CLUH: variants seen among roughly 807,000 people sequenced by gnomAD.
CLUH encodes the protein CLUH binding protein of NUMT mRNA, also known as clustered mitochondria protein homolog.
Under a neutral mutation model 139.3 loss-of-function variants are expected in CLUH, and 77 were observed. The ratio of observed to expected loss-of-function variants is 0.55; its 90% confidence interval spans 0.46 to 0.67. The LOEUF (loss-of-function observed/expected upper bound fraction) is 0.67. CLUH is among the 30% of genes least tolerant of loss of function. The probability of loss-of-function intolerance (pLI) is 0.00; values close to 1 mark genes in which losing one functional copy is unlikely to be tolerated. For synonymous variants in CLUH, 999 were observed against 801.6 expected (o/e 1.25, Z -4.16); for missense variants, 1,876 against 1,875.8 (o/e 1.00, Z 0.00).
Position 2,700,442 on chromosome 17 carries a change from C to T in CLUH, c.1206G>A (p.Thr402=), listed in dbSNP as rs1031805955. The change falls in exon 9 of 26, where the codon ACG becomes ACA. Residue 402 remains threonine (T), a synonymous_variant. Coordinates refer to ENST00000651024, the MANE Select transcript of CLUH (RefSeq NM_001366661.1). ...GCAGGTTCTTGCGAGGCAGCTCCCT[C>T]GTCGTCTGCAGCTCCTCATTCCAGT... is the stretch of plus-strand genomic sequence containing the variant. ...TRDWNEELQT[T]RELPRKNLPE... is the part of the protein sequence containing the mutation. 6.2e-6 allele frequency: 10 copies of T among 1,613,006 alleles called. No homozygotes were observed. The highest frequency in any genetic ancestry group is 4.5e-5 in the East Asian group (2 of 44,882).
chr17:2,698,066 C>T lies in CLUH; in HGVS notation c.1791G>A (p.Gly597=), dbSNP rs2070032155. 1 of 1,606,446 alleles carries T rather than the reference C, an allele frequency of 6.2e-7. No homozygotes were observed. Among genetic ancestry groups the T allele is most frequent in the Non-Finnish European group, 8.5e-7 (1 of 1,178,784 alleles). The part of the protein sequence containing the change: ...VECKGIIGND[G]RHYILDLLRT... Reference sequence around the variant, plus strand: ...GCAGCAGGTCGAGGATGTAGTGGCGCCCGTCGTTGCCAATGATGCCCTTGC... The same window carrying T: ...GCAGCAGGTCGAGGATGTAGTGGCGTCCGTCGTTGCCAATGATGCCCTTGC... Residue 597 remains glycine (G), a synonymous_variant, in exon 10 of 26, where the codon GGG becomes GGA. Transcript: ENST00000651024.
Position 2,702,007 on chromosome 17 carries a change from G to A in CLUH, c.526C>T (p.Leu176=), listed in dbSNP as rs745464248. 3 of 1,613,894 alleles carry A rather than the reference G, an allele frequency of 1.9e-6. No homozygotes were observed. The highest frequency in any genetic ancestry group is 2.2e-5 in the South Asian group (2 of 91,074). The change falls in exon 4 of 26, where the codon CTG becomes TTG. Residue 176 remains leucine (L), a synonymous_variant. Coordinates refer to ENST00000651024, the MANE Select transcript of CLUH (RefSeq NM_001366661.1). ...TCGGATGGGTCCAGGCTCTTGAGCA[G>A]GTCTCGGACATGGCGCACGTGGATG... The part of the protein sequence containing the change: ...ARIHVRHVRD[L]LKSLDPSDAF...
intron 22 of CLUH, 130 bp from the exon 23 acceptor site, chr17:2,692,227 C>A: frequency 1.4e-6 from 2 of 1,444,140 alleles, no homozygotes; most frequent in East Asian, 2.5e-5. Context: ...AAGTCCAGGG[C>A]TCAGGGAAGA....
chr17:2,694,356 C>A, intron 17 of CLUH, 80 bp from the exon 18 acceptor site: 3 of 1,523,288 alleles, frequency 2.0e-6, no homozygotes, highest in Non-Finnish European at 1.8e-6. Flanking sequence ...CCAACGCTTG[C>A]GCACAGACGG....
At position 2,700,652 on chromosome 17, in the gene CLUH, C is replaced by G. The variant is rs185516714; in HGVS notation, c.1173+26G>C. 3,109 of 1,516,322 alleles carry G rather than the reference C, an allele frequency of 2.1e-3. 5 individuals are homozygous for G. Among genetic ancestry groups the G allele is most frequent in the Non-Finnish European group, 2.6e-3 (2,938 of 1,136,986 alleles). 93.9% of individuals were successfully genotyped at this position (1,516,322 alleles called of 1,614,324 possible). On this transcript the variant is annotated intron_variant, in intron 8 of 25. Coordinates refer to ENST00000651024, the MANE Select transcript of CLUH (RefSeq NM_001366661.1). ...CACCCAGGAGGGCAGGGGTGCCCAG[C>G]GAGGGCAGGGCCAGGTTGCAGGCAC...
chr17:2,703,553 C>T lies in CLUH; in HGVS notation c.304-64G>A. The T allele has an allele frequency of 1.9e-6, 3 of 1,549,918 alleles. No individual in the cohort carries two copies. The highest frequency in any genetic ancestry group is 1.2e-5 in the South Asian group (1 of 86,882). On this transcript the variant is annotated intron_variant, in intron 2 of 25. Coordinates refer to ENST00000651024, the MANE Select transcript of CLUH (RefSeq NM_001366661.1). The surrounding 1 kb of genome is among the most constrained non-coding windows in gnomAD (Gnocchi z 4.2). ...ACGTAGCGGGGAGAGAAGGCCCCAA[C>T]CGCCCCGGTGAGAGGCCACGTAGCG...
Position 2,696,159 on chromosome 17 carries a change from C to A in CLUH, c.2391G>T (p.Leu797Phe). The A allele has an allele frequency of 1.3e-6, 2 of 1,557,042 alleles. No homozygotes were observed. Among genetic ancestry groups the A allele is most frequent in the Non-Finnish European group, 8.7e-7 (1 of 1,150,488 alleles). The change falls in exon 13 of 26, where the codon TTG (leucine) becomes TTT (phenylalanine). Residue 797 changes from leucine (L) to phenylalanine (F), a missense_variant and splice_region_variant. This residue lies in a region of CLUH where 1,454 missense variants were observed against 1,384.4 expected (regional missense o/e 1.05). Transcript: ENST00000651024. ...CCCAGCCCCGCAGCCCCTCCCTCAC[C>A]AAGCCAGGGATCTGGCAGGAGAGCA... ...AFLLSCQIPG[L>F]VKDCMEHAVL...
intron 25 of CLUH, 103 bp from the exon 26 acceptor site, chr17:2,690,880 T>C: frequency 1.1e-6 from 1 of 898,690 alleles, no homozygotes; most frequent in Non-Finnish European, 1.6e-6. Flanking sequence ...TGCGCTCTAT[T>C]CAGTGGGGAA....
Position 2,696,837 on chromosome 17 carries a change from CT to C in CLUH, c.2066del (p.Glu689GlyfsTer27). On this transcript the variant is annotated frameshift_variant, in exon 11 of 26. Transcript: ENST00000651024. LOFTEE classifies it high-confidence loss of function. ...SLENGGPSSLESKSEDPPGQE... is the reference protein window; with the variant it reads ...SLENGGPSSLXSKSEDPPGQE... Reference sequence around the variant, plus strand: ...GTCCTGGAGGATCCTCAGACTTGGACTCCAAGGAGGAAGGACCACCATTTTC... The same window carrying C: ...GTCCTGGAGGATCCTCAGACTTGGACCCAAGGAGGAAGGACCACCATTTTC... 6.2e-7 allele frequency: 1 copy of C among 1,613,612 alleles called. No homozygotes were observed. The highest frequency in any genetic ancestry group is 8.5e-7 in the Non-Finnish European group (1 of 1,179,880).
At chr17:2,696,109 A>G (rs1244215880) in intron 13 of CLUH, 50 bp downstream of exon 13, 21 of 1,421,122 alleles carry the variant, frequency 1.5e-5, no homozygotes, top group Non-Finnish European at 2.0e-5. Flanking sequence ...CAGATGAGGG[A>G]CCAGCACCCT....
chr17:2,694,463 C>T lies in CLUH; in HGVS notation c.2937+17G>A, dbSNP rs1406237665. 6.4e-7 allele frequency: 1 copy of T among 1,559,048 alleles called. No homozygotes were observed. Among genetic ancestry groups the T allele is most frequent in the Non-Finnish European group, 8.7e-7 (1 of 1,149,462 alleles). On this transcript the variant is annotated intron_variant, in intron 17 of 25. Transcript: ENST00000651024. ...ACACAGCGGGGACACAGCGGGGATG[C>T]TGTGAGCCATGCCCACCTGGATCCC...
At position 2,691,956 on chromosome 17, in the gene CLUH, GCCACGCCCCCGCCCCGC is replaced by G. The variant is rs1415305688; in HGVS notation, c.3654+31_3654+47del. 8 of 439,826 alleles carry G rather than the reference GCCACGCCCCCGCCCCGC, an allele frequency of 1.8e-5. 1 individual carries two copies. In the East Asian group the frequency reaches 4.3e-4, roughly 24 times the overall value. The allele number at this position is 439,826 out of a possible 1,614,324, so 27.2% of individuals were successfully genotyped here. A position where few individuals can be genotyped will look rare whatever the true frequency, so the allele number is the denominator to read the frequency against. ...GCCCCCGCGGCCCCGCCCCCGCCCC[GCCACGCCCCCGCCCCGC>G]CCCCGCCCCCGCCACGCCCCCGCCG... On this transcript the variant is annotated intron_variant, in intron 23 of 25. Transcript: ENST00000651024.
chr17:2,698,595 CG>C lies in CLUH; in HGVS notation c.1267-6del. ...CGCGGTGAAGTCGCTGTGCACCTGG[CG>C]GGGGTCGAGGAGGGCAGGGTTAGAG... On this transcript the variant is annotated splice_region_variant and splice_polypyrimidine_tract_variant and intron_variant, in intron 9 of 25. Transcript: ENST00000651024. 1.3e-6 allele frequency: 2 copies of C among 1,586,262 alleles called. No individual in the cohort carries two copies. The highest frequency in any genetic ancestry group is 1.7e-6 in the Non-Finnish European group (2 of 1,165,404).
At chr17:2,709,579 C>T (rs775159984) in intron 1 of CLUH, among the ~76,000 whole-genome samples, 114 of 152,272 alleles carry the variant, frequency 7.5e-4, no homozygotes, top group African/African-American at 2.5e-3. Context: ...AGGAACCTGA[C>T]GCACCACTGT....
intron 16 of CLUH, 118 bp from the exon 17 acceptor site, chr17:2,694,682 C>T: frequency 1.5e-6 from 2 of 1,328,492 alleles, no homozygotes; most frequent in South Asian, 2.8e-5. Context: ...CACCCGGCCC[C>T]CGGGAGCCTC....
In CLUH at chr17:2,694,923, G is replaced by T. The variant is rs1567582308; in HGVS notation, c.2786C>A (p.Thr929Asn). 6.2e-7 allele frequency: 1 copy of T among 1,606,574 alleles called. No individual in the cohort carries two copies. ...GATGTTCTTCCAGAGCTCCTGGGGG[G>T]TCATGACAGCCCAGGCTGTGTTATC... ...AADNTAWAVM[T>N]PQELWKNICQ... Residue 929 changes from threonine (T) to asparagine (N), a missense_variant, in exon 16 of 26, where the codon ACC becomes AAC. This residue lies in a region of CLUH where 1,454 missense variants were observed against 1,384.4 expected (regional missense o/e 1.05). Transcript: ENST00000651024.
chr17:2,696,555 C>T lies in CLUH; in HGVS notation c.2186-17G>A. 1 of 1,555,394 alleles carries T rather than the reference C, an allele frequency of 6.4e-7. No homozygotes were observed. Among genetic ancestry groups the T allele is most frequent in the Non-Finnish European group, 8.7e-7 (1 of 1,154,138 alleles). On this transcript the variant is annotated splice_polypyrimidine_tract_variant and intron_variant, in intron 11 of 25. Transcript: ENST00000651024. ...GAGGGTCTGCTGTGGAGACATGGCTCCATGAGACACGGGTCCCCTCTGCCA... is the reference window on the plus strand; with the variant it reads ...GAGGGTCTGCTGTGGAGACATGGCTTCATGAGACACGGGTCCCCTCTGCCA...
intron 25 of CLUH, 113 bp from the exon 26 acceptor site, chr17:2,690,890 ATG>A (rs1381830595): frequency 3.7e-6 from 3 of 809,212 alleles, no homozygotes; most frequent in African/African-American, 3.6e-5. Context: ...TCAGTGGGGA[ATG>A]TGTGTGAACA....
At position 2,704,443 on chromosome 17, in the gene CLUH, G is replaced by A. The variant is rs776351722; in HGVS notation, c.222C>T (p.Thr74=). The A allele has an allele frequency of 2.7e-5, 44 of 1,608,494 alleles. No homozygotes were observed. The highest frequency in any genetic ancestry group is 4.0e-5 in the African/African-American group (3 of 74,856). ...LDEAGPGDET[T]GQEVIVIQDT... is the part of the protein sequence containing the mutation. ...CCTGAATGACAATGACTTCCTGGCC[G>A]GTGGTCTCATCTCCCGGGCCGGCCT... Residue 74 remains threonine, a synonymous_variant, in exon 2 of 26, where the codon ACC becomes ACT. Coordinates refer to ENST00000651024, the MANE Select transcript of CLUH (RefSeq NM_001366661.1). The surrounding 1 kb of genome is among the most constrained non-coding windows in gnomAD (Gnocchi z 5.7).
Sources: gnomAD v4.1 joint callset for allele counts (sites outside exome capture counted in the v4.1 genomes callset) on GRCh38, gnomAD v4.1.1 for gene constraint, gnomAD v4.1.1 regional missense constraint, Gnocchi (gnomAD v3.1) non-coding constraint, MANE v1.5 for transcripts, NCBI Gene and HGNC (gene_info 2026-07-23, HGNC 2026-07-21) for gene names.